TSPAN15: variants seen among roughly 807,000 people sequenced by gnomAD.
TSPAN15 encodes the protein tetraspanin 15.
TSPAN15 carries 20 observed loss-of-function variants against 34.5 expected under a neutral mutation model. The ratio of observed to expected loss-of-function variants is 0.58; its 90% CI spans 0.41 to 0.84. TSPAN15 has a LOEUF of 0.84. Among genes scored for constraint, TSPAN15 ranks in the 40% least tolerant of loss-of-function variants. The pLI, the probability that TSPAN15 is intolerant of heterozygous loss-of-function variation, is 0.00. For missense variants in TSPAN15, 313 were observed against 386.1 expected, an observed-to-expected ratio of 0.81 and a Z score of 1.59; for synonymous variants, 155 against 153.9, an observed-to-expected ratio of 1.01 and a Z score of -0.05.
chr10:69,464,183 G>A (rs1174012240), intron 1 of TSPAN15, among the ~76,000 whole-genome samples: 1 of 152,262 alleles, frequency 6.6e-6, no homozygotes, highest in Non-Finnish European at 1.5e-5. Context: ...CTTGGCCTCT[G>A]GCCTCCAGAA....
In TSPAN15 at chr10:69,506,755, TG is replaced by T; in HGVS notation, c.736-71del. 6.7e-7 allele frequency: 1 copy of T among 1,486,708 alleles called. No homozygotes were observed. The highest frequency in any genetic ancestry group is 9.1e-7 in the Non-Finnish European group (1 of 1,093,728). The allele number at this position is 1,486,708 out of a possible 1,614,324, so 92.1% of individuals were successfully genotyped here. A position where few individuals can be genotyped will look rare whatever the true frequency, so the allele number is the denominator to read the frequency against. ...GCTTGGGACTGGCTGCTTGGGTTTC[TG>T]GGAGCCGGGAGCTGCAGGGAGGGCT... On this transcript the variant is annotated intron_variant, in intron 7 of 7. Coordinates refer to ENST00000373290, the MANE Select transcript of TSPAN15 (RefSeq NM_012339.5). This position sits in a 1 kb window ranked among gnomAD's most constrained non-coding sequence, Gnocchi z 4.7.
chr10:69,456,643 G>T lies in TSPAN15; in HGVS notation c.96+4953G>T, dbSNP rs149298260. 1.5e-4 allele frequency among the ~76,000 whole-genome samples: 23 copies of T among 152,278 alleles called. No homozygotes were observed. The East Asian group carries it at 3.9e-3, about 26-fold the overall frequency. ...ACTAAATCCTAGCTGGATGTCATGG[G>T]TGCTGAAGGCTGTGACCCTGACGCC... On this transcript the variant is annotated intron_variant, in intron 1 of 7. Coordinates refer to ENST00000373290, the MANE Select transcript of TSPAN15 (RefSeq NM_012339.5).
downstream of TSPAN15, among the ~76,000 whole-genome samples, chr10:69,510,369 G>T (rs1280209325): frequency 6.6e-6 from 1 of 152,104 alleles, no homozygotes; most frequent in East Asian, 1.9e-4. Context: ...CTCATGAATT[G>T]GTTCTCTGTC....
At chr10:69,513,369 T>G in the TSPAN15 span, among the ~76,000 whole-genome samples, 1 of 152,176 alleles carries the variant, frequency 6.6e-6, no homozygotes, top group South Asian at 2.1e-4. Context: ...GCTTGTCTTG[T>G]TCTCTCTCTC....
chr10:69,514,166 G>T, the TSPAN15 span, among the ~76,000 whole-genome samples: 7 of 152,152 alleles, frequency 4.6e-5, no homozygotes, highest in Non-Finnish European at 8.8e-5. Flanking sequence ...TTGCGAATAT[G>T]GTGAATTTCA....
the TSPAN15 span, among the ~76,000 whole-genome samples, chr10:69,514,010 CA>C: frequency 6.6e-6 from 1 of 152,192 alleles, no homozygotes; most frequent in Admixed American, 6.5e-5. Flanking sequence ...AGTCTTTTAT[CA>C]TTAAGTATAA....
chr10:69,541,887 A>G, the TSPAN15 span, among the ~76,000 whole-genome samples: 1 of 152,114 alleles, frequency 6.6e-6, no homozygotes, highest in African/African-American at 2.4e-5. Flanking sequence ...TGGGCCTCTG[A>G]TGGGAGGGGC....
chr10:69,508,104 G>A (rs1436733652), downstream of TSPAN15, among the ~76,000 whole-genome samples: 4 of 152,118 alleles, frequency 2.6e-5, no homozygotes. Context: ...GAAGACATGG[G>A]ATCTAGATTT....
At position 69,502,968 on chromosome 10, in the gene TSPAN15, G is replaced by A. The variant is rs1217241840; in HGVS notation, c.571-1470G>A. On this transcript the variant is annotated intron_variant, in intron 5 of 7. Coordinates refer to ENST00000373290, the MANE Select transcript of TSPAN15 (RefSeq NM_012339.5). ...TGTTGTTCTGTATTTCAAGTGACTA[G>A]AACTGGGATTGACATGCAATAGGTG... Among the ~76,000 whole-genome samples, 3 of 152,352 alleles carry A rather than the reference G, an allele frequency of 2.0e-5. No homozygotes were observed. The South Asian group carries it at 6.2e-4, about 32-fold the overall frequency.
At chr10:69,522,248 C>A in the TSPAN15 span, among the ~76,000 whole-genome samples, 7 of 145,608 alleles carry the variant, frequency 4.8e-5, 2 homozygotes, top group South Asian at 1.5e-3. Context: ...GTCATCCCAG[C>A]TACTGGGGAG....
intron 1 of TSPAN15, among the ~76,000 whole-genome samples, chr10:69,465,752 C>T (rs569220695): frequency 1.4e-4 from 21 of 152,318 alleles, no homozygotes; most frequent in African/African-American, 5.1e-4. Flanking sequence ...GTTTGTTCTT[C>T]TTTCTTGGAA....
At chr10:69,475,413 C>T (rs1478061452) in intron 1 of TSPAN15, among the ~76,000 whole-genome samples, 1 of 152,206 alleles carries the variant, frequency 6.6e-6, no homozygotes, top group East Asian at 1.9e-4. Context: ...CAGAGTCCTT[C>T]TCTGGTTTCC....
chr10:69,462,964 C>A (rs1217476984), intron 1 of TSPAN15, among the ~76,000 whole-genome samples: 1 of 152,146 alleles, frequency 6.6e-6, no homozygotes, highest in Non-Finnish European at 1.5e-5. Flanking sequence ...TATGTGGAGA[C>A]CACTGGCCTG....
At chr10:69,510,187 G>A (rs1309110636), downstream of TSPAN15, among the ~76,000 whole-genome samples, 1 of 152,176 alleles carries the variant, frequency 6.6e-6, no homozygotes, top group East Asian at 1.9e-4. Flanking sequence ...CCATTTTCAC[G>A]ATATTGATTC....
chr10:69,471,104 A>T (rs948517727), intron 1 of TSPAN15, among the ~76,000 whole-genome samples: 6 of 152,278 alleles, frequency 3.9e-5, no homozygotes, highest in East Asian at 3.9e-4. Flanking sequence ...ACCATAGCAC[A>T]GTATATGTTT....
chr10:69,471,600 C>T (rs1841508617), intron 1 of TSPAN15, among the ~76,000 whole-genome samples: 1 of 150,684 alleles, frequency 6.6e-6, no homozygotes, highest in African/African-American at 2.5e-5. Context: ...CCCCTCTTCC[C>T]TCCCCTCCCC....
downstream of TSPAN15, among the ~76,000 whole-genome samples, chr10:69,511,181 A>G (rs1215020161): frequency 6.6e-6 from 1 of 152,200 alleles, no homozygotes; most frequent in Non-Finnish European, 1.5e-5. Context: ...CTCTGGTAGA[A>G]TTTGGCTGTG....
At chr10:69,483,575 T>C in intron 1 of TSPAN15, 116 bp from the exon 2 acceptor site, 1 of 1,165,828 alleles carries the variant, frequency 8.6e-7, no homozygotes, top group South Asian at 1.7e-5. Flanking sequence ...GCCCTTTCTG[T>C]GCTGTAACCT....
At chr10:69,463,351 G>A (rs1297423789) in intron 1 of TSPAN15, among the ~76,000 whole-genome samples, 2 of 152,150 alleles carry the variant, frequency 1.3e-5, no homozygotes, top group African/African-American at 4.8e-5. Flanking sequence ...GGCAGGTGGT[G>A]GTCTATCTCT....
Sources: allele counts gnomAD v4.1 joint callset (sites outside exome capture counted in the v4.1 genomes callset), GRCh38; gene constraint gnomAD v4.1.1; non-coding constraint Gnocchi (gnomAD v3.1); transcripts MANE v1.5; gene names NCBI Gene and HGNC (gene_info 2026-07-23, HGNC 2026-07-21).